The following RNASEH2B variants were observed in gnomAD, a reference collection of about 807,000 sequenced individuals.
The protein encoded by RNASEH2B is ribonuclease H2 subunit B.
Under a neutral mutation model 45.0 loss-of-function variants are expected in RNASEH2B, and 36 were observed. The ratio of observed to expected loss-of-function variants is 0.80; its 90% CI spans 0.61 to 1.06. The LOEUF (loss-of-function observed/expected upper bound fraction) is 1.06. Among genes scored for constraint, RNASEH2B ranks in the 50% least tolerant of loss-of-function variants. RNASEH2B has a pLI of 0.00. For synonymous variants in RNASEH2B, 119 were observed against 125.7 expected (o/e 0.95, Z 0.35); for missense variants, 361 against 360.3 (o/e 1.00, Z -0.02).
intron 1 of RNASEH2B, among the ~76,000 whole-genome samples, chr13:50,924,377 A>G (rs1319187161): frequency 6.6e-6 from 1 of 152,220 alleles, no homozygotes. Flanking sequence ...TAACTGAAGG[A>G]GAGCTGGAGT....
At chr13:50,917,348 T>G (rs1029231815) in intron 1 of RNASEH2B, among the ~76,000 whole-genome samples, 1 of 152,182 alleles carries the variant, frequency 6.6e-6, no homozygotes, top group Non-Finnish European at 1.5e-5. Flanking sequence ...TGGCCAACAT[T>G]AGGGGTTTCT....
intron 6 of RNASEH2B, among the ~76,000 whole-genome samples, chr13:50,944,360 T>G (rs1248010001): frequency 6.6e-6 from 1 of 152,128 alleles, no homozygotes; most frequent in Non-Finnish European, 1.5e-5. Context: ...TGAAAAGTCA[T>G]GTTTGTCTGC....
chr13:50,950,449 T>C (rs907538885), intron 9 of RNASEH2B: 9 of 152,142 alleles, frequency 5.9e-5, no homozygotes, highest in African/African-American at 1.9e-4. Context: ...ATGTTCAGCA[T>C]GTTGTCAAAA....
intron 6 of RNASEH2B, 102 bp from the exon 7 acceptor site, chr13:50,945,325 C>G (rs755088679): frequency 1.3e-6 from 1 of 788,026 alleles, no homozygotes; most frequent in South Asian, 1.4e-5. Flanking sequence ...TCAAATACTT[C>G]TTTGCAGATC....
At chr13:50,938,109 A>G (rs1951782053) in intron 5 of RNASEH2B, 2 of 152,382 alleles carry the variant, frequency 1.3e-5, no homozygotes, top group South Asian at 4.1e-4. Context: ...TACAAATATT[A>G]GTTGTGTTTC....
At chr13:50,947,395 G>A (rs894428124) in intron 7 of RNASEH2B, among the ~76,000 whole-genome samples, 2 of 80,788 alleles carry the variant, frequency 2.5e-5, no homozygotes, top group African/African-American at 8.6e-5. Flanking sequence ...GAGTGTGTGT[G>A]TGTGTGTGTG....
At chr13:50,953,589 A>G (rs760163295) in intron 9 of RNASEH2B, 5 of 394,702 alleles carry the variant, frequency 1.3e-5, no homozygotes, top group Non-Finnish European at 2.3e-5. Flanking sequence ...TCATCTGGTA[A>G]TTAGCAATCC....
intron 9 of RNASEH2B, chr13:50,951,333 G>A (rs1218474106): frequency 2.0e-5 from 3 of 152,098 alleles, no homozygotes; most frequent in Non-Finnish European, 4.4e-5. Context: ...TAATATAGTT[G>A]ACTGTTTCCA....
chr13:50,929,885 A>T (rs1951654807), intron 3 of RNASEH2B, among the ~76,000 whole-genome samples: 2 of 152,212 alleles, frequency 1.3e-5, no homozygotes, highest in South Asian at 4.1e-4. Context: ...TATTGTGTTG[A>T]TTAGAAACTC....
chr13:50,935,020 T>A, intron 5 of RNASEH2B, 21 bp downstream of exon 5: 1 of 1,483,842 alleles, frequency 6.7e-7, no homozygotes, highest in East Asian at 2.3e-5. Flanking sequence ...ACTTAAAGGC[T>A]TATGGCTGGT....
At chr13:50,963,737 G>A (rs965249187) in intron 9 of RNASEH2B, among the ~76,000 whole-genome samples, 1 of 152,090 alleles carries the variant, frequency 6.6e-6, no homozygotes, top group Non-Finnish European at 1.5e-5. Context: ...TGTTCACCCA[G>A]CTTCCCTCAG....
chr13:50,937,560 T>G (rs1951771911), intron 5 of RNASEH2B: 1 of 152,164 alleles, frequency 6.6e-6, no homozygotes, highest in African/African-American at 2.4e-5. Context: ...GAAAAATACG[T>G]AAGATTCTCA....
chr13:50,928,932 CTTTTTTT>C (rs35147830), intron 2 of RNASEH2B, among the ~76,000 whole-genome samples: 6 of 87,878 alleles, frequency 6.8e-5, no homozygotes, highest in Admixed American at 5.8e-4. Flanking sequence ...TGCCTCCTCC[CTTTTTTT>C]TTTTTTTTTT....
At chr13:50,912,622 A>G (rs2137877699) in intron 1 of RNASEH2B, 1 of 152,318 alleles carries the variant, frequency 6.6e-6, no homozygotes, top group African/African-American at 2.4e-5. Flanking sequence ...TTAGTTACCC[A>G]TTCGGGAGTT....
chr13:50,917,556 G>T (rs1453056915), intron 1 of RNASEH2B, among the ~76,000 whole-genome samples: 1 of 152,148 alleles, frequency 6.6e-6, no homozygotes, highest in African/African-American at 2.4e-5. Flanking sequence ...AATTGTATTT[G>T]ACCCTCTTGA....
chr13:50,954,378 T>G, intron 10 of RNASEH2B: 1 of 376,666 alleles, frequency 2.7e-6, no homozygotes, highest in East Asian at 4.7e-5. Flanking sequence ...GGCATTTTGG[T>G]AACAGTCCTT....
intron 9 of RNASEH2B, among the ~76,000 whole-genome samples, chr13:50,963,649 C>T (rs958588274): frequency 6.6e-6 from 1 of 152,056 alleles, no homozygotes; most frequent in Non-Finnish European, 1.5e-5. Context: ...CTATTTTTCT[C>T]CTCTCTCTTT....
exon 10 of RNASEH2B, chr13:50,970,104 C>T (rs1451212438): frequency 3.8e-6 from 3 of 786,972 alleles, no homozygotes; most frequent in Admixed American, 4.5e-5. Context: ...ACTGTAAATG[C>T]TTTATTTCTT....
At chr13:50,943,242 G>A (rs928110769) in intron 5 of RNASEH2B, 79 bp from the exon 6 acceptor site, 1 of 821,426 alleles carries the variant, frequency 1.2e-6, no homozygotes, top group African/African-American at 1.7e-5. Flanking sequence ...TTCTTTAAAT[G>A]GTTAACTTGT....
Sources: allele counts gnomAD v4.1 joint callset (sites outside exome capture counted in the v4.1 genomes callset), GRCh38; gene constraint gnomAD v4.1.1; transcripts MANE v1.5; gene names NCBI Gene and HGNC (gene_info 2026-07-23, HGNC 2026-07-21).